Variants in ANKRD44 observed in about 807,000 individuals in gnomAD.
ANKRD44 encodes serine/threonine-protein phosphatase 6 regulatory ankyrin repeat subunit B.
In ANKRD44, 35 loss-of-function variants were observed where a neutral mutation model predicts 116.0. The ratio of observed to expected loss-of-function variants is 0.30; its 90% CI spans 0.23 to 0.40. ANKRD44 has a LOEUF of 0.40. Ranked by LOEUF, ANKRD44 falls within the 10% of genes least tolerant of loss-of-function variation. The pLI is 1.00. For synonymous variants in ANKRD44, 435 were observed against 461.8 expected, an observed-to-expected ratio of 0.94 and a Z score of 0.74; for missense variants, 1,014 against 1,242.6, an observed-to-expected ratio of 0.82 and a Z score of 2.77.
chr2:197,105,804 C>G (rs150228438), intron 9 of ANKRD44, among the ~76,000 whole-genome samples: 1 of 152,290 alleles, frequency 6.6e-6, no homozygotes, highest in Non-Finnish European at 1.5e-5. Context: ...TCAGAGCAAT[C>G]CAGTGTGCAC....
At chr2:197,084,076 C>A (rs538100525) in intron 13 of ANKRD44, among the ~76,000 whole-genome samples, 1 of 152,290 alleles carries the variant, frequency 6.6e-6, no homozygotes, top group East Asian at 1.9e-4. Flanking sequence ...GCAATACCCA[C>A]ATATAACAAT....
chr2:197,068,171 T>C (rs1241651982), intron 16 of ANKRD44, among the ~76,000 whole-genome samples: 2 of 103,298 alleles, frequency 1.9e-5, no homozygotes, highest in Non-Finnish European at 3.7e-5. Context: ...TGAGATCACA[T>C]GGACACAGGA....
At chr2:197,163,360 T>C (rs1270010119) in intron 2 of ANKRD44, among the ~76,000 whole-genome samples, 1 of 152,196 alleles carries the variant, frequency 6.6e-6, no homozygotes, top group African/African-American at 2.4e-5. Flanking sequence ...GCAATAATCC[T>C]TAGAGAGTGA....
intron 1 of ANKRD44, among the ~76,000 whole-genome samples, chr2:197,227,538 C>T (rs1253066147): frequency 1.3e-5 from 2 of 152,086 alleles, no homozygotes; most frequent in Non-Finnish European, 2.9e-5. Flanking sequence ...TCTGCCCTAT[C>T]CTATGTGCAC....
chr2:197,200,988 T>C (rs186488174), intron 1 of ANKRD44, among the ~76,000 whole-genome samples: 138 of 152,336 alleles, frequency 9.1e-4, no homozygotes, highest in Middle Eastern at 3.4e-3. Flanking sequence ...TCCTGATATA[T>C]AGTATGCCTT....
At chr2:196,981,482 A>G (rs1201812605) in intron 21 of ANKRD44, among the ~76,000 whole-genome samples, 2 of 152,126 alleles carry the variant, frequency 1.3e-5, no homozygotes, top group African/African-American at 2.4e-5. Context: ...TTACTCTAAA[A>G]TGTTCTCTCC....
At chr2:197,194,924 A>C (rs952586143) in intron 1 of ANKRD44, among the ~76,000 whole-genome samples, 1 of 152,202 alleles carries the variant, frequency 6.6e-6, no homozygotes, top group Non-Finnish European at 1.5e-5. Context: ...TGGGGACTGG[A>C]GAGTAAATCT....
rs2125341557 is a variant in ANKRD44, at chr2:197,126,029, T to A, written c.270A>T (p.Val90=). 1 of 1,614,202 alleles carries A rather than the reference T, an allele frequency of 6.2e-7. No homozygotes were observed. Among genetic ancestry groups the A allele is most frequent in the Non-Finnish European group, 8.5e-7 (1 of 1,180,026 alleles). Residue 90 remains valine, a synonymous_variant, in exon 5 of 28, where the codon GTA becomes GTT. Coordinates refer to ENST00000282272, the MANE Select transcript of ANKRD44 (RefSeq NM_001195144.2). ...RAVASRSEEA[V]QVLIKHSADV... is the part of the protein sequence containing the mutation. ...CAGCTGAGTGCTTAATCAAAACCTGTACTGCTTCCTACAACAAAAGCAGAG... is the reference window on the plus strand; with the variant it reads ...CAGCTGAGTGCTTAATCAAAACCTGAACTGCTTCCTACAACAAAAGCAGAG...
At chr2:196,996,902 C>CGA (rs1491219339) in intron 25 of ANKRD44, among the ~76,000 whole-genome samples, 3 of 88,982 alleles carry the variant, frequency 3.4e-5, no homozygotes, top group African/African-American at 1.3e-4. Context: ...GACTCTGCCT[C>CGA]AAAAAAAAAA....
In ANKRD44 at chr2:197,110,816, A is replaced by C; in HGVS notation, c.935T>G (p.Met312Arg). ...QSKDGKSPLH[M>R]TAVHGRFTRS... ...TGTGAACCTTCCATGGACAGCTGTC[A>C]TGTGCAGTGGACTTTTGCCATCTTT... The change falls in exon 9 of 28, where the codon ATG becomes AGG. Residue 312 changes from methionine to arginine, a missense_variant. Met to Arg is a moderately conservative substitution (Grantham distance 91, BLOSUM62 -1). Transcript: ENST00000282272. The C allele has an allele frequency of 6.2e-7, 1 of 1,614,054 alleles. No homozygotes were observed. Among genetic ancestry groups the C allele is most frequent in the Non-Finnish European group, 8.5e-7 (1 of 1,179,926 alleles).
intron 2 of ANKRD44, among the ~76,000 whole-genome samples, chr2:197,171,669 A>G (rs2080236662): frequency 1.3e-5 from 2 of 152,198 alleles, no homozygotes; most frequent in South Asian, 4.1e-4. Context: ...CAGAATTCTC[A>G]TGTAAACTAT....
intron 17 of ANKRD44, chr2:197,015,572 T>C (rs1349713387): frequency 2.0e-6 from 1 of 512,440 alleles, no homozygotes; most frequent in Non-Finnish European, 3.6e-6. Context: ...AGAGGAAACT[T>C]TGGAGATGGA....
At chr2:197,056,283 C>CAA (rs139857438) in intron 16 of ANKRD44, among the ~76,000 whole-genome samples, 6 of 145,818 alleles carry the variant, frequency 4.1e-5, no homozygotes, top group Non-Finnish European at 9.1e-5. Context: ...AATTTACACA[C>CAA]AAAAAAAAAA....
intron 1 of ANKRD44, among the ~76,000 whole-genome samples, chr2:197,253,520 C>T (rs139707508): frequency 6.6e-6 from 1 of 152,054 alleles, no homozygotes; most frequent in Non-Finnish European, 1.5e-5. Flanking sequence ...TTGATTTCTG[C>T]ATTATTCTAC....
At chr2:197,097,752 G>A (rs962177800) in intron 10 of ANKRD44, among the ~76,000 whole-genome samples, 1 of 152,186 alleles carries the variant, frequency 6.6e-6, no homozygotes, top group African/African-American at 2.4e-5. Context: ...TGCTATCAGA[G>A]CGAACTTTCT....
At position 197,005,877 on chromosome 2, in the gene ANKRD44, G is replaced by C. The variant is rs76756610; in HGVS notation, c.2164C>G (p.Leu722Val). ...MTGHEECVQMLLEQEVSILCK... is the reference protein window; with the variant it reads ...MTGHEECVQMVLEQEVSILCK... ...AGAATTGACACTTCTTGTTCCAGCA[G>C]CATTTGCACACATTCCTCGTGTCCT... The change falls in exon 21 of 28, where the codon CTG (leucine) becomes GTG (valine). Residue 722 changes from leucine (L) to valine (V), a missense_variant. By Grantham distance (32) the Leu-to-Val change is conservative. Transcript: ENST00000282272. 3.7e-6 allele frequency: 6 copies of C among 1,614,250 alleles called. 1 individual carries two copies. The South Asian group carries it at 5.5e-5, about 15-fold the overall frequency.
At position 197,201,245 on chromosome 2, in the gene ANKRD44, G is replaced by T. The variant is rs1265761075; in HGVS notation, c.28-14139C>A. 6.6e-6 allele frequency among the ~76,000 whole-genome samples: 1 copy of T among 152,116 alleles called. No homozygotes were observed. The highest frequency in any genetic ancestry group is 1.5e-5 in the Non-Finnish European group (1 of 68,032). ...GCACTCCCAGAATGTTCATGTGAAG[G>T]GCACGTGTGAAGACATAATCTTGAC... On this transcript the variant is annotated intron_variant, in intron 1 of 27. Transcript: ENST00000282272. The surrounding 1 kb of genome is among the most constrained non-coding windows in gnomAD (Gnocchi z 4.0).
chr2:197,289,717 A>T (rs1317699049), intron 1 of ANKRD44, among the ~76,000 whole-genome samples: 1 of 152,184 alleles, frequency 6.6e-6, no homozygotes, highest in Non-Finnish European at 1.5e-5. Flanking sequence ...GGGAAGACAA[A>T]GAAGCAGAAT....
At chr2:197,306,707 G>A (rs2084084242) in intron 1 of ANKRD44, among the ~76,000 whole-genome samples, 1 of 152,136 alleles carries the variant, frequency 6.6e-6, no homozygotes, top group African/African-American at 2.4e-5. Context: ...CCCACACTAT[G>A]GGCTAGAAAT....
Sources: allele counts gnomAD v4.1 joint callset (sites outside exome capture counted in the v4.1 genomes callset), GRCh38; gene constraint gnomAD v4.1.1; non-coding constraint Gnocchi (gnomAD v3.1); transcripts MANE v1.5; gene names NCBI Gene and HGNC (gene_info 2026-07-23, HGNC 2026-07-21).